Variants in SNAPC5 observed in about 807,000 individuals in gnomAD.
SNAPC5 encodes the protein snRNA-activating protein complex subunit 5.
In SNAPC5, 12 loss-of-function variants were observed where a neutral mutation model predicts 9.1. The ratio of observed to expected loss-of-function variants is 1.32; its 90% confidence interval spans 0.85 to 2.15. The LOEUF (loss-of-function observed/expected upper bound fraction) is 2.15, where lower values mean the gene tolerates loss of function less well. Ranked by LOEUF, SNAPC5 falls within the 30% of genes most tolerant of loss-of-function variation. SNAPC5 has a pLI of 0.00. For synonymous variants in SNAPC5, 52 were observed against 47.3 expected (o/e 1.10, Z -0.41); for missense variants, 132 against 114.4 (o/e 1.15, Z -0.70).
chr15:66,489,901 C>G, downstream of SNAPC5: 3 of 797,528 alleles, frequency 3.8e-6, no homozygotes, highest in Non-Finnish European at 6.7e-6. Flanking sequence ...TGCAGAATAC[C>G]AAACACCAGT....
rs1893337092 is a variant in SNAPC5 at position 66,493,870 on chromosome 15, C to CA, written c.*565dup. The CA allele has an allele frequency of 6.6e-6, 1 of 152,170 alleles. No homozygotes were observed. Among genetic ancestry groups the CA allele is most frequent in the African/African-American group, 2.4e-5 (1 of 41,418 alleles). 9.4% of individuals were successfully genotyped at this position (152,170 alleles called of 1,614,324 possible). On this transcript the variant is annotated 3_prime_UTR_variant, in exon 3 of 3. Coordinates refer to ENST00000316634, the MANE Select transcript of SNAPC5 (RefSeq NM_001329615.2). Reference sequence around the variant, plus strand: ...AACATTTTACCAGTGAGTGATGTCTCAAGTGAGAGGTGGTAACAGATACAC... The same window carrying CA: ...AACATTTTACCAGTGAGTGATGTCTCAAAGTGAGAGGTGGTAACAGATACAC...
chr15:66,495,239 T>C lies in SNAPC5; in HGVS notation c.180+91A>G, dbSNP rs750477205. 12 of 844,088 alleles carry C rather than the reference T, an allele frequency of 1.4e-5. No homozygotes were observed. The East Asian group carries it at 2.7e-4, about 19-fold the overall frequency. 52.3% of individuals were successfully genotyped at this position (844,088 alleles called of 1,614,324 possible). A position where few individuals can be genotyped will look rare whatever the true frequency, so the allele number is the denominator to read the frequency against. ...TCTCAGAGCCCTTTGGGCTAGGTAA[T>C]GTGATTTACAACAGTTCTTCACCAC... On this transcript the variant is annotated intron_variant, in intron 2 of 2. Coordinates refer to ENST00000316634, the MANE Select transcript of SNAPC5 (RefSeq NM_001329615.2).
intron 1 of SNAPC5, among the ~76,000 whole-genome samples, chr15:66,496,574 A>C (rs1893443974): frequency 6.7e-6 from 1 of 149,174 alleles, no homozygotes; most frequent in Non-Finnish European, 1.5e-5. Context: ...TGCATGCTGG[A>C]GTGCAGTGGC....
intron 2 of SNAPC5, 35 bp downstream of exon 2, chr15:66,495,295 C>G: frequency 3.3e-5 from 40 of 1,210,806 alleles, no homozygotes; most frequent in Non-Finnish European, 4.6e-5. Context: ...GCAGACTTTG[C>G]ATTCTCTCCT....
In SNAPC5 at chr15:66,494,578, T is replaced by G. The variant is rs754107883; in HGVS notation, c.181-26A>C. On this transcript the variant is annotated intron_variant, in intron 2 of 2. Coordinates refer to ENST00000316634, the MANE Select transcript of SNAPC5 (RefSeq NM_001329615.2). The stretch of plus-strand genomic sequence containing the variant: ...CTGTATTGGCCAAGGGCATCACAGA[T>G]TAGCAGGAAAGATGCTGGCCTCAAA... The G allele has an allele frequency of 9.1e-6, 14 of 1,540,236 alleles. No homozygotes were observed. In the South Asian group the frequency reaches 1.3e-4, roughly 14 times the overall value.
intron 2 of SNAPC5, 32 bp from the exon 3 acceptor site, chr15:66,494,584 G>A (rs1343987615): frequency 1.3e-6 from 2 of 1,492,108 alleles, no homozygotes; most frequent in East Asian, 2.3e-5. Context: ...CAGATTAGCA[G>A]GAAAGATGCT....
At chr15:66,495,050 C>T in intron 2 of SNAPC5, 1 of 445,084 alleles carries the variant, frequency 2.2e-6, no homozygotes, top group Non-Finnish European at 4.1e-6. Flanking sequence ...CAAAAATCTC[C>T]ACTCTCCCCC....
At chr15:66,495,137 A>G (rs1357465997) in intron 2 of SNAPC5, 193 bp downstream of exon 2, 1 of 592,936 alleles carries the variant, frequency 1.7e-6, no homozygotes, top group Non-Finnish European at 3.0e-6. Context: ...TTAATTAATT[A>G]GTGTATAACT....
In SNAPC5 at chr15:66,495,368, T is replaced by C; in HGVS notation, c.142A>G (p.Met48Val). 1.2e-6 allele frequency: 2 copies of C among 1,609,190 alleles called. No homozygotes were observed. The highest frequency in any genetic ancestry group is 1.7e-6 in the Non-Finnish European group (2 of 1,175,454). Residue 48 changes from methionine (M) to valine (V), a missense_variant, in exon 2 of 3, where the codon ATG (methionine) becomes GTG (valine). Met to Val is a conservative substitution (Grantham distance 21). Transcript: ENST00000316634. ...SMISSRRGDE[M>V]LSSHTVPEQS... ...TCAGGTACAGTGTGAGAAGACAGCA[T>C]CTCATCCCCTCTTCTAGAACTGATC...
At chr15:66,492,114 G>A (rs575784655), downstream of SNAPC5, 1 of 453,618 alleles carries the variant, frequency 2.2e-6, no homozygotes, top group Admixed American at 2.4e-5. Context: ...TGGAAAGGAG[G>A]AATGTGCCTG....
At chr15:66,494,586 A>G (rs1567030737) in intron 2 of SNAPC5, 34 bp from the exon 3 acceptor site, 2 of 1,485,432 alleles carry the variant, frequency 1.3e-6, no homozygotes, top group Non-Finnish European at 1.9e-6. Flanking sequence ...GATTAGCAGG[A>G]AAGATGCTGG....
Position 66,494,540 on chromosome 15 carries a change from C to T in SNAPC5, c.193G>A (p.Val65Ile), listed in dbSNP as rs1215572403. 4 of 1,612,872 alleles carry T rather than the reference C, an allele frequency of 2.5e-6. No individual in the cohort carries two copies. The highest frequency in any genetic ancestry group is 3.4e-6 in the Non-Finnish European group (4 of 1,179,040). Residue 65 changes from valine to isoleucine, a missense_variant, in exon 3 of 3, where the codon GTA becomes ATA. Val to Ile is a conservative substitution (Grantham distance 29, BLOSUM62 3). Coordinates refer to ENST00000316634, the MANE Select transcript of SNAPC5 (RefSeq NM_001329615.2). ...TGGTTGATTGATGCTTCATTGTCTA[C>T]ATGCACCAACATCTGTATTGGCCAA... ...PEQSHDMLVH[V>I]DNEASINQTT...
At chr15:66,497,116 C>G (rs1353656255) in intron 1 of SNAPC5, 1 of 170,704 alleles carries the variant, frequency 5.9e-6, no homozygotes, top group Non-Finnish European at 1.3e-5. Context: ...GCGTCAGTAA[C>G]AAGAGCCACC....
At chr15:66,490,045 C>A (rs1436158416), downstream of SNAPC5, 9 of 566,790 alleles carry the variant, frequency 1.6e-5, no homozygotes, top group Non-Finnish European at 2.8e-5. Context: ...GGGGATGCGG[C>A]CTTTCCCTAA....
downstream of SNAPC5, chr15:66,490,667 C>T (rs372452427): frequency 5.2e-5 from 70 of 1,357,126 alleles, no homozygotes; most frequent in South Asian, 4.2e-4. Flanking sequence ...TTTGCCATGT[C>T]GCTTTTGGGC....
chr15:66,494,434 C>T lies in SNAPC5; in HGVS notation c.*2G>A, dbSNP rs1431467570. On this transcript the variant is annotated 3_prime_UTR_variant, in exon 3 of 3. Coordinates refer to ENST00000316634, the MANE Select transcript of SNAPC5 (RefSeq NM_001329615.2). ...ACTGACCAGCCTGGCTTTCCCCCTC[C>T]TTTAGGAATCTGATTCTTCTTCCTC... 1 of 1,601,838 alleles carries T rather than the reference C, an allele frequency of 6.2e-7. No homozygotes were observed. The highest frequency in any genetic ancestry group is 2.2e-5 in the East Asian group (1 of 44,830).
downstream of SNAPC5, chr15:66,492,397 ATGATCAG>A (rs199755032): frequency 1.5e-5 from 3 of 199,752 alleles, no homozygotes; most frequent in Non-Finnish European, 3.1e-5. Flanking sequence ...TTTTAAAAAA[ATGATCAG>A]TGTTGTATAT....
chr15:66,495,164 G>A, intron 2 of SNAPC5, 166 bp downstream of exon 2: 1 of 652,272 alleles, frequency 1.5e-6, no homozygotes, highest in Non-Finnish European at 2.8e-6. Context: ...TAGGAAGGTG[G>A]TTAATGGAGA....
intron 1 of SNAPC5, chr15:66,497,410 C>T (rs954561332): frequency 1.7e-6 from 1 of 601,842 alleles, no homozygotes; most frequent in Non-Finnish European, 3.0e-6. Context: ...CCCTGAGCCT[C>T]ACCCTAGACT....
Sources: gnomAD v4.1 joint callset for allele counts (sites outside exome capture counted in the v4.1 genomes callset) on GRCh38, gnomAD v4.1.1 for gene constraint, MANE v1.5 for transcripts, NCBI Gene and HGNC (gene_info 2026-07-23, HGNC 2026-07-21) for gene names.